Variants in PLEKHA4 observed in about 807,000 individuals in gnomAD.
The protein encoded by PLEKHA4 is pleckstrin homology domain containing A4.
A neutral mutation model predicts 94.7 loss-of-function variants in PLEKHA4; 73 were observed. The ratio of observed to expected loss-of-function variants is 0.77; its 90% CI spans 0.64 to 0.94. The LOEUF (loss-of-function observed/expected upper bound fraction) is 0.94, where lower values mean the gene tolerates loss of function less well. Ranked by LOEUF, PLEKHA4 falls within the 40% of genes least tolerant of loss-of-function variation. The pLI, the probability that PLEKHA4 is intolerant of heterozygous loss-of-function variation, is 0.00. For missense variants in PLEKHA4, 1,049 were observed against 1,054.1 expected (o/e 1.00, Z 0.07); for synonymous variants, 449 against 437.1 (o/e 1.03, Z -0.34).
rs559536573 is a variant in PLEKHA4, at chr19:48,847,460, G to A, written c.1566+440C>T. Among the ~76,000 whole-genome samples the A allele has an allele frequency of 1.6e-4, 24 of 152,154 alleles. No homozygotes were observed. In the East Asian group the frequency reaches 4.5e-3, roughly 28 times the overall value. Reference sequence around the variant, plus strand: ...TAAAAAAAAAATCCTGGTTGGGCGAGGTGGCTCACGCCTGTAATCCCAACA... The same window carrying A: ...TAAAAAAAAAATCCTGGTTGGGCGAAGTGGCTCACGCCTGTAATCCCAACA... On this transcript the variant is annotated intron_variant, in intron 14 of 19. Transcript: ENST00000263265.
chr19:48,864,570 T>C (rs1257680505), intron 3 of PLEKHA4, among the ~76,000 whole-genome samples: 1 of 152,090 alleles, frequency 6.6e-6, no homozygotes. Flanking sequence ...TTTTTTTGTT[T>C]TTGTTTTTGA....
chr19:48,848,443 G>A (rs1485541536), intron 13 of PLEKHA4, among the ~76,000 whole-genome samples: 3 of 141,922 alleles, frequency 2.1e-5, no homozygotes, highest in African/African-American at 2.7e-5. Context: ...CCGAGATCCC[G>A]CCACTGCACT....
At chr19:48,855,871 G>A (rs2036386148) in intron 9 of PLEKHA4, among the ~76,000 whole-genome samples, 1 of 151,386 alleles carries the variant, frequency 6.6e-6, no homozygotes. Context: ...TCTACAAAAA[G>A]TAGAAAAAGT....
chr19:48,846,609 A>T (rs2035980800), intron 14 of PLEKHA4, among the ~76,000 whole-genome samples: 1 of 152,010 alleles, frequency 6.6e-6, no homozygotes. Flanking sequence ...TCTACAAAAA[A>T]GTTAAAGAAT....
intron 14 of PLEKHA4, among the ~76,000 whole-genome samples, chr19:48,846,486 C>CT (rs199966972): frequency 0.018 from 2,794 of 151,978 alleles, 85 homozygotes; most frequent in African/African-American, 0.064. Context: ...ACGTTTTAGG[C>CT]TGGGCACAGT....
In PLEKHA4 at chr19:48,861,420, C is replaced by T; in HGVS notation, c.347G>A (p.Gly116Glu). ...IRPDGPGAPR[G>E]RRFTFTAEHP... ...ACTCACGGTGAAGGTGAAGCGCCGCCCTCGGGGGGCTCCCGGCCCATCTGG... is the reference window on the plus strand; with the variant it reads ...ACTCACGGTGAAGGTGAAGCGCCGCTCTCGGGGGGCTCCCGGCCCATCTGG... Residue 116 changes from glycine to glutamate, a missense_variant, in exon 5 of 20, where the codon GGG becomes GAG. Gly to Glu is a moderately conservative substitution (Grantham distance 98). Transcript: ENST00000263265. 6.2e-7 allele frequency: 1 copy of T among 1,613,824 alleles called. No individual in the cohort carries two copies. The highest frequency in any genetic ancestry group is 8.5e-7 in the Non-Finnish European group (1 of 1,180,010).
chr19:48,845,501 C>T lies in PLEKHA4; in HGVS notation c.1666+16G>A, dbSNP rs1315114805. ...ACGGGAATTTCCGTAAAGTCCCACC[C>T]AACCAGGATGCTCACCTAAGTGAGG... On this transcript the variant is annotated intron_variant, in intron 15 of 19. Coordinates refer to ENST00000263265, the MANE Select transcript of PLEKHA4 (RefSeq NM_020904.3). 6.2e-7 allele frequency: 1 copy of T among 1,613,126 alleles called. No individual in the cohort carries two copies. Among genetic ancestry groups the T allele is most frequent in the Non-Finnish European group, 8.5e-7 (1 of 1,179,468 alleles).
chr19:48,849,962 C>T (rs531932808), intron 13 of PLEKHA4, among the ~76,000 whole-genome samples: 1 of 152,296 alleles, frequency 6.6e-6, no homozygotes, highest in South Asian at 2.1e-4. Context: ...CCTATAATCC[C>T]AGCACTTTGG....
intron 3 of PLEKHA4, among the ~76,000 whole-genome samples, chr19:48,862,513 T>C (rs1169452976): frequency 2.1e-5 from 3 of 144,796 alleles, no homozygotes; most frequent in Admixed American, 1.4e-4. Context: ...CCCCACTTTC[T>C]TTTTTTGTTT....
At chr19:48,850,588 C>T (rs1436572733) in intron 13 of PLEKHA4, among the ~76,000 whole-genome samples, 3 of 152,018 alleles carry the variant, frequency 2.0e-5, no homozygotes, top group East Asian at 3.9e-4. Flanking sequence ...GAAGCTGAGG[C>T]GGGTGGATCA....
At chr19:48,863,574 G>A (rs1261624916) in intron 3 of PLEKHA4, among the ~76,000 whole-genome samples, 1 of 151,828 alleles carries the variant, frequency 6.6e-6, no homozygotes, top group East Asian at 1.9e-4. Context: ...GGGACTGCAG[G>A]CGACCACCAC....
intron 2 of PLEKHA4, among the ~76,000 whole-genome samples, chr19:48,866,834 G>A (rs146025367): frequency 3.8e-3 from 576 of 152,210 alleles, no homozygotes; most frequent in African/African-American, 0.012. Flanking sequence ...AGGATGCCCT[G>A]GTGCCCTGCG....
intron 9 of PLEKHA4, among the ~76,000 whole-genome samples, chr19:48,856,898 C>CAAAAAAAAAAAA (rs1315657736): frequency 8.4e-5 from 3 of 35,558 alleles, no homozygotes; most frequent in African/African-American, 1.6e-4. Context: ...GACCCCGTCT[C>CAAAAAAAAAAAA]AAAAAAAAAA....
chr19:48,845,339 G>C, intron 16 of PLEKHA4, 31 bp downstream of exon 16: 1 of 1,601,180 alleles, frequency 6.2e-7, no homozygotes, highest in Non-Finnish European at 8.5e-7. Flanking sequence ...ATGGTCAGAT[G>C]CAAGGATTAC....
chr19:48,843,219 C>G (rs953503361), intron 16 of PLEKHA4, among the ~76,000 whole-genome samples: 2 of 151,974 alleles, frequency 1.3e-5, no homozygotes, highest in Admixed American at 6.6e-5. Flanking sequence ...ACTCTTATTG[C>G]CCAGGCTGGA....
intron 8 of PLEKHA4, 93 bp downstream of exon 8, chr19:48,858,767 G>T: frequency 7.2e-7 from 1 of 1,386,418 alleles, no homozygotes; most frequent in Non-Finnish European, 1.0e-6. Flanking sequence ...CAATACCCAT[G>T]ACACCCAGGG....
intron 17 of PLEKHA4, 91 bp from the exon 18 acceptor site, chr19:48,839,354 G>A: frequency 1.2e-6 from 1 of 813,586 alleles, no homozygotes. Flanking sequence ...AAAAGAGAAT[G>A]AAATTGCCCA....
At position 48,860,140 on chromosome 19, in the gene PLEKHA4, G is replaced by A. The variant is rs868440795; in HGVS notation, c.476+210C>T. 2.4e-5 allele frequency: 14 copies of A among 590,914 alleles called. No individual in the cohort carries two copies. In the Middle Eastern group the frequency reaches 1.9e-3, roughly 80 times the overall value. The allele number at this position is 590,914 out of a possible 1,614,324, so 36.6% of individuals were successfully genotyped here. A position where few individuals can be genotyped will look rare whatever the true frequency, so the allele number is the denominator to read the frequency against. On this transcript the variant is annotated intron_variant, in intron 6 of 19. Transcript: ENST00000263265. ...GACTGAAGGGTCAGCTTGGGGGCGG[G>A]GACGGACAAGGTGGTGGGCGGAACT...
intron 16 of PLEKHA4, among the ~76,000 whole-genome samples, chr19:48,843,621 C>T (rs1025966310): frequency 3.3e-5 from 5 of 151,982 alleles, no homozygotes; most frequent in African/African-American, 9.7e-5. Context: ...GCTGGGACCA[C>T]AGGTGGGCAC....
Sources: allele counts gnomAD v4.1 joint callset (sites outside exome capture counted in the v4.1 genomes callset), GRCh38; gene constraint gnomAD v4.1.1; transcripts MANE v1.5; gene names NCBI Gene and HGNC (gene_info 2026-07-23, HGNC 2026-07-21).